Variants in RBFOX1 observed in about 807,000 individuals in gnomAD.
RBFOX1 encodes the protein RNA binding fox-1 homolog 1.
RBFOX1 carries 8 observed loss-of-function variants against 57.7 expected under a neutral mutation model. The observed-to-expected ratio is 0.14, with a 90% confidence interval of 0.08 to 0.25. The LOEUF (loss-of-function observed/expected upper bound fraction) is 0.25, where lower values mean the gene tolerates loss of function less well. Among genes scored for constraint, RBFOX1 ranks in the 10% least tolerant of loss-of-function variants. The probability of loss-of-function intolerance (pLI) is 1.00; values close to 1 mark genes in which losing one functional copy is unlikely to be tolerated. For synonymous variants in RBFOX1, 326 were observed against 222.4 expected (o/e 1.47, Z -4.15); for missense variants, 611 against 548.5 (o/e 1.11, Z -1.14).
At chr16:5,402,493 T>C (rs926370262) in intron 1 of RBFOX1, among the ~76,000 whole-genome samples, 2 of 152,240 alleles carry the variant, frequency 1.3e-5, no homozygotes, top group African/African-American at 4.8e-5. Context: ...TTTGTCAGCA[T>C]AGCCAGAAAC....
In RBFOX1 at chr16:6,941,280, T is replaced by C. The variant is rs1597880334; in HGVS notation, c.-15-110777T>C. 2.9e-5 allele frequency among the ~76,000 whole-genome samples: 2 copies of C among 69,506 alleles called. 1 individual carries two copies. The highest frequency in any genetic ancestry group is 1.3e-4 in the African/African-American group (2 of 15,470). The allele number at this position is 69,506 out of a possible 152,430, so 45.6% of individuals were successfully genotyped here. ...CCCTCCCATTTCCTCTCTCCCTCCC[T>C]TCCCTCCTTCCCTCCCTCCCTCCTT... On this transcript the variant is annotated intron_variant, in intron 3 of 15. Coordinates refer to ENST00000550418, the MANE Select transcript of RBFOX1 (RefSeq NM_018723.4).
chr16:6,162,458 C>T (rs2096886840), intron 1 of RBFOX1, among the ~76,000 whole-genome samples: 1 of 152,092 alleles, frequency 6.6e-6, no homozygotes, highest in Admixed American at 6.6e-5. Flanking sequence ...ATGCTTATGG[C>T]TTGATTTTTA....
chr16:6,904,178 G>T (rs2069179982), intron 3 of RBFOX1, among the ~76,000 whole-genome samples: 1 of 152,198 alleles, frequency 6.6e-6, no homozygotes, highest in African/African-American at 2.4e-5. Flanking sequence ...GTCTGTGTGT[G>T]TATGTAAACA....
At chr16:6,973,312 TAAAG>T (rs1437022798) in intron 3 of RBFOX1, among the ~76,000 whole-genome samples, 1 of 152,124 alleles carries the variant, frequency 6.6e-6, no homozygotes, top group Non-Finnish European at 1.5e-5. Flanking sequence ...GCAGACAAAA[TAAAG>T]CTCAGCTTTG....
intron 1 of RBFOX1, among the ~76,000 whole-genome samples, chr16:6,149,893 T>C (rs2096785688): frequency 6.6e-6 from 1 of 152,178 alleles, no homozygotes; most frequent in South Asian, 2.1e-4. Context: ...TACAAATAAG[T>C]CCTGATTATG....
At chr16:7,321,106 C>CATATACAT (rs2143015474) in intron 4 of RBFOX1, among the ~76,000 whole-genome samples, 1 of 150,380 alleles carries the variant, frequency 6.6e-6, no homozygotes, top group South Asian at 2.2e-4. Flanking sequence ...TATACATATA[C>CATATACAT]ATATACATAT....
intron 3 of RBFOX1, among the ~76,000 whole-genome samples, chr16:6,831,249 A>G (rs1051903683): frequency 6.6e-6 from 1 of 152,174 alleles, no homozygotes; most frequent in Admixed American, 6.5e-5. Flanking sequence ...GTCGAATTTT[A>G]ACTCTATTCT....
At chr16:6,595,941 CTT>C (rs953053716) in intron 2 of RBFOX1, among the ~76,000 whole-genome samples, 2 of 151,866 alleles carry the variant, frequency 1.3e-5, no homozygotes, top group Non-Finnish European at 2.9e-5. Flanking sequence ...TTGTTGGAAA[CTT>C]TTTTATTAAG....
chr16:6,335,988 A>C (rs1429968467), intron 2 of RBFOX1, among the ~76,000 whole-genome samples: 1 of 149,892 alleles, frequency 6.7e-6, no homozygotes. Flanking sequence ...AAGCCCATTC[A>C]TAGTGGAATC....
intron 3 of RBFOX1, among the ~76,000 whole-genome samples, chr16:6,892,925 C>A (rs998806085): frequency 6.6e-6 from 1 of 151,942 alleles, no homozygotes; most frequent in Non-Finnish European, 1.5e-5. Context: ...CTCAGCTATT[C>A]TTGCGTGTGT....
intron 4 of RBFOX1, among the ~76,000 whole-genome samples, chr16:7,376,959 G>C (rs886237239): frequency 2.0e-5 from 3 of 152,260 alleles, no homozygotes; most frequent in Middle Eastern, 3.4e-3. Context: ...GGTAAACATA[G>C]TATCCTTGTA....
At chr16:6,052,085 A>C (rs1596720560) in intron 1 of RBFOX1, among the ~76,000 whole-genome samples, 1 of 152,148 alleles carries the variant, frequency 6.6e-6, no homozygotes, top group East Asian at 1.9e-4. Flanking sequence ...GCAAAATAAA[A>C]CCAAAACTGG....
chr16:5,253,204 C>A (rs1271457840), intron 1 of RBFOX1, among the ~76,000 whole-genome samples: 1 of 151,798 alleles, frequency 6.6e-6, no homozygotes, highest in African/African-American at 2.4e-5. Flanking sequence ...GGCTGGAGTG[C>A]AATGGTGCAA....
chr16:6,241,711 T>G (rs1005942166), intron 1 of RBFOX1, among the ~76,000 whole-genome samples: 1 of 152,172 alleles, frequency 6.6e-6, no homozygotes, highest in African/African-American at 2.4e-5. Context: ...ATGCAAACAA[T>G]CAACACCAAT....
At chr16:6,871,891 C>G (rs2060949924) in intron 3 of RBFOX1, among the ~76,000 whole-genome samples, 1 of 147,054 alleles carries the variant, frequency 6.8e-6, no homozygotes, top group Admixed American at 6.8e-5. Context: ...AATCCAGGCT[C>G]TTTGAGAGAG....
At chr16:6,518,684 T>G (rs1178860514) in intron 2 of RBFOX1, among the ~76,000 whole-genome samples, 1 of 152,062 alleles carries the variant, frequency 6.6e-6, no homozygotes, top group Non-Finnish European at 1.5e-5. Context: ...CCCTTTGAAT[T>G]TTATCTATGT....
At chr16:6,261,934 G>T (rs2097703949) in intron 1 of RBFOX1, among the ~76,000 whole-genome samples, 2 of 152,090 alleles carry the variant, frequency 1.3e-5, no homozygotes, top group South Asian at 2.1e-4. Context: ...GGAGGCTGAG[G>T]CATGAGAGTT....
At chr16:5,899,330 C>G (rs2058250013) in intron 4 of RBFOX1, among the ~76,000 whole-genome samples, 1 of 152,034 alleles carries the variant, frequency 6.6e-6, no homozygotes, top group African/African-American at 2.4e-5. Context: ...AGAGGAGAGC[C>G]TGTCATGCAG....
intron 4 of RBFOX1, among the ~76,000 whole-genome samples, chr16:7,411,345 A>C (rs2098423063): frequency 6.6e-6 from 1 of 152,154 alleles, no homozygotes; most frequent in Non-Finnish European, 1.5e-5. Context: ...CCACAATTCC[A>C]CATTAGTTTC....
Sources: gnomAD v4.1 joint callset for allele counts (sites outside exome capture counted in the v4.1 genomes callset) on GRCh38, gnomAD v4.1.1 for gene constraint, MANE v1.5 for transcripts, NCBI Gene and HGNC (gene_info 2026-07-23, HGNC 2026-07-21) for gene names.